The following GABBR1 variants were observed in gnomAD, a reference collection of about 807,000 sequenced individuals.
GABBR1 encodes gamma-aminobutyric acid type B receptor subunit 1.
In GABBR1, 35 loss-of-function variants were observed where a neutral mutation model predicts 117.7. The observed-to-expected ratio is 0.30, with a 90% CI of 0.23 to 0.39. The LOEUF (loss-of-function observed/expected upper bound fraction) is 0.39. Among genes scored for constraint, GABBR1 ranks in the 10% least tolerant of loss-of-function variants. The pLI is 1.00. For missense variants in GABBR1, 709 were observed against 1,241.8 expected (o/e 0.57, Z 6.45); for synonymous variants, 442 against 486.6 (o/e 0.91, Z 1.21).
Position 29,606,636 on chromosome 6 carries a change from C to T in GABBR1, c.2218-152G>A, listed in dbSNP as rs1761988268. The T allele has an allele frequency of 4.5e-6, 3 of 667,562 alleles. No individual in the cohort carries two copies. In the Admixed American group the frequency reaches 7.3e-5, roughly 16 times the overall value. 41.4% of individuals were successfully genotyped at this position (667,562 alleles called of 1,614,324 possible). A position where few individuals can be genotyped will look rare whatever the true frequency, so the allele number is the denominator to read the frequency against. On this transcript the variant is annotated intron_variant, in intron 18 of 22. Transcript: ENST00000377034. The surrounding 1 kb of genome is among the most constrained non-coding windows in gnomAD (Gnocchi z 4.5). ...TAGGCCTAAGAATGTTTTCCTGAAC[C>T]CTTGGAGGTGCTTGTTCCCCACTTT...
chr6:29,606,739 G>A lies in GABBR1; in HGVS notation c.2217+158C>T. 1.5e-6 allele frequency: 1 copy of A among 673,256 alleles called. No individual in the cohort carries two copies. The highest frequency in any genetic ancestry group is 2.5e-6 in the Non-Finnish European group (1 of 393,444). 41.7% of individuals were successfully genotyped at this position (673,256 alleles called of 1,614,324 possible). ...TCTTCAGCTGAATCTGGAGGCCTAT[G>A]AGGGGCTCCTTCTAGGAAGGAAAGG... On this transcript the variant is annotated intron_variant, in intron 18 of 22. Transcript: ENST00000377034. The surrounding 1 kb of genome is among the most constrained non-coding windows in gnomAD (Gnocchi z 4.5).
In GABBR1 at chr6:29,602,877, A is replaced by G; in HGVS notation, c.*666T>C. 1 of 379,106 alleles carries G rather than the reference A, an allele frequency of 2.6e-6. No individual in the cohort carries two copies. Among genetic ancestry groups the G allele is most frequent in the Non-Finnish European group, 5.2e-6 (1 of 191,882 alleles). 23.5% of individuals were successfully genotyped at this position (379,106 alleles called of 1,614,324 possible). ...CCGAGAGCACATGTGACTGAACATG[A>G]AGAAAGCATACGGGAAAAGCGTGTG... On this transcript the variant is annotated 3_prime_UTR_variant, in exon 23 of 23. Coordinates refer to ENST00000377034, the MANE Select transcript of GABBR1 (RefSeq NM_001470.4).
Position 29,621,877 on chromosome 6 carries a change from C to T in GABBR1, c.1066-60G>A. The T allele has an allele frequency of 6.5e-7, 1 of 1,537,550 alleles. No individual in the cohort carries two copies. Among genetic ancestry groups the T allele is most frequent in the Non-Finnish European group, 9.0e-7 (1 of 1,111,502 alleles). On this transcript the variant is annotated intron_variant, in intron 9 of 22. Coordinates refer to ENST00000377034, the MANE Select transcript of GABBR1 (RefSeq NM_001470.4). The surrounding 1 kb of genome is among the most constrained non-coding windows in gnomAD (Gnocchi z 5.0). The stretch of plus-strand genomic sequence containing the variant: ...CCCGGGAATGCCTGAGGGGCTAAGC[C>T]AGATGTCTTCACAGCTTTGATTTCC...
chr6:29,622,831 CT>C lies in GABBR1; in HGVS notation c.963+473del. Among the ~76,000 whole-genome samples the C allele has an allele frequency of 6.6e-6, 1 of 151,992 alleles. No individual in the cohort carries two copies. The highest frequency in any genetic ancestry group is 2.4e-5 in the African/African-American group (1 of 41,440). On this transcript the variant is annotated intron_variant, in intron 8 of 22. Transcript: ENST00000377034. The surrounding 1 kb of genome is among the most constrained non-coding windows in gnomAD (Gnocchi z 4.6). ...GATCCATGCAGCTGCCTTTCTGCCCCTCTCTCTCCTCTCCCTCATTCCTCTC... is the reference window on the plus strand; with the variant it reads ...GATCCATGCAGCTGCCTTTCTGCCCCCTCTCTCCTCTCCCTCATTCCTCTC...
intron 6 of GABBR1, among the ~76,000 whole-genome samples, chr6:29,625,741 G>A (rs754411730): frequency 1.1e-4 from 16 of 152,078 alleles, no homozygotes; most frequent in Non-Finnish European, 2.2e-4. Flanking sequence ...ACCTGTCATG[G>A]TGGATGAGTT....
chr6:29,618,645 A>G (rs1372468392), intron 11 of GABBR1, among the ~76,000 whole-genome samples: 1 of 152,122 alleles, frequency 6.6e-6, no homozygotes, highest in East Asian at 1.9e-4. Context: ...TCACAATCTT[A>G]TCTCCAGGAT....
In GABBR1 at chr6:29,630,834, GA is replaced by G. The variant is rs891638257; in HGVS notation, c.290-192del. Among the ~76,000 whole-genome samples, 17 of 148,602 alleles carry G rather than the reference GA, an allele frequency of 1.1e-4. No individual in the cohort carries two copies. Among genetic ancestry groups the G allele is most frequent in the South Asian group, 2.1e-4 (1 of 4,706 alleles). ...TGCAAGCATCCACACATTCCCAAAA[GA>G]AAAAAAAAATTACCATTTTAGGAAC... On this transcript the variant is annotated intron_variant, in intron 3 of 22. Transcript: ENST00000377034. The surrounding 1 kb of genome is among the most constrained non-coding windows in gnomAD (Gnocchi z 4.9).
Position 29,608,382 on chromosome 6 carries a change from G to T in GABBR1, c.1992+219C>A, listed in dbSNP as rs1762174473. On this transcript the variant is annotated intron_variant, in intron 16 of 22. Transcript: ENST00000377034. ...TGCAAGGCCTGCCATGGCAACCTTG[G>T]AACTGACAAGTAAACTACAGAATGA... 9.7e-6 allele frequency: 5 copies of T among 514,888 alleles called. No homozygotes were observed. In the East Asian group the frequency reaches 1.7e-4, roughly 17 times the overall value. The allele number at this position is 514,888 out of a possible 1,614,324, so 31.9% of individuals were successfully genotyped here.
Position 29,630,420 on chromosome 6 carries a change from G to T in GABBR1, c.475+38C>A. The T allele has an allele frequency of 6.4e-7, 1 of 1,568,650 alleles. No individual in the cohort carries two copies. Among genetic ancestry groups the T allele is most frequent in the Non-Finnish European group, 8.8e-7 (1 of 1,142,054 alleles). The stretch of plus-strand genomic sequence containing the variant: ...ACCCCACTCCCATCCTCACACAAGC[G>T]TCCTCATCAGCTGCATGCAGGCAGC... On this transcript the variant is annotated intron_variant, in intron 4 of 22. Coordinates refer to ENST00000377034, the MANE Select transcript of GABBR1 (RefSeq NM_001470.4). This position sits in a 1 kb window ranked among gnomAD's most constrained non-coding sequence, Gnocchi z 4.9.
chr6:29,605,939 C>T lies in GABBR1; in HGVS notation c.2312-243G>A. ...GAAAGCAATGGTGGCAAGCTGCTGT[C>T]AGTCAGGCAAGGGCTTGTTGAATAT... On this transcript the variant is annotated intron_variant, in intron 19 of 22. Coordinates refer to ENST00000377034, the MANE Select transcript of GABBR1 (RefSeq NM_001470.4). This position sits in a 1 kb window ranked among gnomAD's most constrained non-coding sequence, Gnocchi z 4.2. The T allele has an allele frequency of 1.7e-6, 1 of 580,510 alleles. No individual in the cohort carries two copies. The highest frequency in any genetic ancestry group is 4.5e-4 in the Middle Eastern group (1 of 2,222). The allele number at this position is 580,510 out of a possible 1,614,324, so 36.0% of individuals were successfully genotyped here. A position where few individuals can be genotyped will look rare whatever the true frequency, so the allele number is the denominator to read the frequency against.
intron 11 of GABBR1, among the ~76,000 whole-genome samples, chr6:29,616,557 C>T (rs1179978388): frequency 6.0e-5 from 9 of 150,452 alleles, no homozygotes; most frequent in Non-Finnish European, 1.3e-4. Context: ...TGGTGGCACG[C>T]ACCTGTAATC....
rs866622569 is a variant in GABBR1, at chr6:29,604,396, T to C, written c.2712+98A>G. ...ACCCTCCCTCCATGAGCCAAGAACATCTGACCCTGTATCTCAGGCTTGGCT... is the reference window on the plus strand; with the variant it reads ...ACCCTCCCTCCATGAGCCAAGAACACCTGACCCTGTATCTCAGGCTTGGCT... On this transcript the variant is annotated intron_variant, in intron 22 of 22. Coordinates refer to ENST00000377034, the MANE Select transcript of GABBR1 (RefSeq NM_001470.4). The surrounding 1 kb of genome is among the most constrained non-coding windows in gnomAD (Gnocchi z 5.3). The C allele has an allele frequency of 1.1e-5, 16 of 1,481,102 alleles. No individual in the cohort carries two copies. The African/African-American group carries it at 1.5e-4, about 14-fold the overall frequency. The allele number at this position is 1,481,102 out of a possible 1,614,324, so 91.7% of individuals were successfully genotyped here. A position where few individuals can be genotyped will look rare whatever the true frequency, so the allele number is the denominator to read the frequency against.
chr6:29,615,802 C>T (rs1260472518), intron 11 of GABBR1, among the ~76,000 whole-genome samples: 2 of 152,050 alleles, frequency 1.3e-5, no homozygotes, highest in Non-Finnish European at 2.9e-5. Context: ...GGCACGGAGG[C>T]TCACATCTGT....
rs1449938103 is a variant in GABBR1 at position 29,627,247 on chromosome 6, A to C, written c.657+239T>G. 2.0e-5 allele frequency among the ~76,000 whole-genome samples: 3 copies of C among 152,162 alleles called. No individual in the cohort carries two copies. The highest frequency in any genetic ancestry group is 7.2e-5 in the African/African-American group (3 of 41,452). ...CTGCGAGACTCCCGCAGCGGGGCAG[A>C]AGGGTCTGCCTTGCAGCATGCTTAA... On this transcript the variant is annotated intron_variant, in intron 6 of 22. Coordinates refer to ENST00000377034, the MANE Select transcript of GABBR1 (RefSeq NM_001470.4). This position sits in a 1 kb window ranked among gnomAD's most constrained non-coding sequence, Gnocchi z 4.4.
chr6:29,606,107 AT>A lies in GABBR1; in HGVS notation c.2311+283del. ...AAGGCCAAGGGGGATCTAAAAGATA[AT>A]GTCAAGTCTGGAGGTGGGGTTACCC... On this transcript the variant is annotated intron_variant, in intron 19 of 22. Coordinates refer to ENST00000377034, the MANE Select transcript of GABBR1 (RefSeq NM_001470.4). This position sits in a 1 kb window ranked among gnomAD's most constrained non-coding sequence, Gnocchi z 4.5. The A allele has an allele frequency of 1.8e-6, 1 of 549,334 alleles. No homozygotes were observed. Among genetic ancestry groups the A allele is most frequent in the South Asian group, 2.6e-5 (1 of 37,818 alleles). The allele number at this position is 549,334 out of a possible 1,614,324, so 34.0% of individuals were successfully genotyped here.
In GABBR1 at chr6:29,606,448, C is replaced by T. The variant is rs370767649; in HGVS notation, c.2254G>A (p.Val752Ile). ...TGCTCCAGCTGGGGCAGAATAGAGA[C>T]GTCAATATCTTCCTTAGGTTCCTCC... ...AKEEPKEDID[V>I]SILPQLEHCS... Residue 752 changes from valine to isoleucine, a missense_variant, in exon 19 of 23, where the codon GTC (valine) becomes ATC (isoleucine). Physicochemically the swap from Val to Ile is conservative, Grantham distance 29. Coordinates refer to ENST00000377034, the MANE Select transcript of GABBR1 (RefSeq NM_001470.4). The surrounding 1 kb of genome is among the most constrained non-coding windows in gnomAD (Gnocchi z 4.5). 36 of 1,612,758 alleles carry T rather than the reference C, an allele frequency of 2.2e-5. No individual in the cohort carries two copies. Among genetic ancestry groups the T allele is most frequent in the Middle Eastern group, 1.6e-4 (1 of 6,084 alleles).
intron 14 of GABBR1, among the ~76,000 whole-genome samples, chr6:29,610,719 C>T (rs898605758): frequency 2.0e-5 from 3 of 152,160 alleles, no homozygotes; most frequent in Admixed American, 6.5e-5. Flanking sequence ...TACTAACCAC[C>T]GCCTATTCCC....
At chr6:29,628,378 G>C (rs1285627974) in intron 5 of GABBR1, 1 of 153,966 alleles carries the variant, frequency 6.5e-6, no homozygotes, top group Non-Finnish European at 1.4e-5. Context: ...CGAGTGGGAC[G>C]GGAGAGAAAC....
rs949871219 is a variant in GABBR1 at position 29,621,633 on chromosome 6, T to C, written c.1131+119A>G. 2.0e-5 allele frequency: 17 copies of C among 852,952 alleles called. No homozygotes were observed. The highest frequency in any genetic ancestry group is 1.9e-4 in the South Asian group (13 of 67,158). The allele number at this position is 852,952 out of a possible 1,614,324, so 52.8% of individuals were successfully genotyped here. ...AGAGCCAACAGACAGAGACATCCTA[T>C]GAATCGTCACCTCAGATCATATGCT... is the stretch of plus-strand genomic sequence containing the variant. On this transcript the variant is annotated intron_variant, in intron 10 of 22. Coordinates refer to ENST00000377034, the MANE Select transcript of GABBR1 (RefSeq NM_001470.4). This position sits in a 1 kb window ranked among gnomAD's most constrained non-coding sequence, Gnocchi z 5.0.
Sources: gnomAD v4.1 joint callset for allele counts (sites outside exome capture counted in the v4.1 genomes callset) on GRCh38, gnomAD v4.1.1 for gene constraint, Gnocchi (gnomAD v3.1) non-coding constraint, MANE v1.5 for transcripts, NCBI Gene and HGNC (gene_info 2026-07-23, HGNC 2026-07-21) for gene names.